RNFT2: variants seen among roughly 807,000 people sequenced by gnomAD.
The protein encoded by RNFT2 is ring finger protein, transmembrane 2, also known as E3 ubiquitin-protein ligase RNFT2.
In RNFT2, 36 loss-of-function variants were observed where a neutral mutation model predicts 53.0. The ratio of observed to expected loss-of-function variants is 0.68; its 90% CI spans 0.52 to 0.90. The LOEUF is 0.90. Ranked by LOEUF, RNFT2 falls within the 40% of genes least tolerant of loss-of-function variation. The pLI is 0.00. For missense variants in RNFT2, 514 were observed against 585.6 expected (o/e 0.88, Z 1.26); for synonymous variants, 260 against 253.2 (o/e 1.03, Z -0.26).
intron 5 of RNFT2, among the ~76,000 whole-genome samples, chr12:116,759,432 G>C (rs1872612427): frequency 6.6e-6 from 1 of 152,104 alleles, no homozygotes; most frequent in Admixed American, 6.5e-5. Context: ...GTGTTGAAGA[G>C]CCTTGTTTTG....
chr12:116,796,137 G>A (rs184313376), intron 7 of RNFT2, among the ~76,000 whole-genome samples: 6 of 152,044 alleles, frequency 3.9e-5, no homozygotes, highest in Non-Finnish European at 5.9e-5. Context: ...TTGAACTCCC[G>A]ACCTCAAGTG....
At chr12:116,742,782 A>G (rs1411470833) in intron 3 of RNFT2, among the ~76,000 whole-genome samples, 6 of 152,140 alleles carry the variant, frequency 3.9e-5, no homozygotes, top group South Asian at 2.1e-4. Context: ...TCCTGTCTCT[A>G]CTAAAAAACT....
intron 7 of RNFT2, among the ~76,000 whole-genome samples, chr12:116,806,377 AAAAAAT>A (rs762700869): frequency 7.9e-5 from 10 of 127,112 alleles, no homozygotes; most frequent in African/African-American, 1.2e-4. Context: ...CAAAAAAAAA[AAAAAAT>A]ATATATATAT....
At chr12:116,802,005 A>G (rs1156529516) in intron 7 of RNFT2, among the ~76,000 whole-genome samples, 1 of 152,150 alleles carries the variant, frequency 6.6e-6, no homozygotes, top group African/African-American at 2.4e-5. Context: ...TATTTGTAGC[A>G]GAGATGGAGT....
intron 7 of RNFT2, among the ~76,000 whole-genome samples, chr12:116,800,863 A>AAT (rs34964792): frequency 2.7e-3 from 115 of 42,656 alleles, no homozygotes; most frequent in Admixed American, 0.019. Flanking sequence ...TAAAATAAAA[A>AAT]CCATTTAACA....
intron 7 of RNFT2, among the ~76,000 whole-genome samples, chr12:116,813,307 G>A (rs1410002312): frequency 2.6e-5 from 4 of 152,122 alleles, no homozygotes; most frequent in African/African-American, 7.2e-5. Flanking sequence ...TTCCCAGCCC[G>A]ACACCTCAGC....
chr12:116,773,554 T>A (rs997844777), intron 6 of RNFT2, among the ~76,000 whole-genome samples: 6 of 152,162 alleles, frequency 3.9e-5, no homozygotes, highest in Non-Finnish European at 8.8e-5. Flanking sequence ...TCTGGTTGGC[T>A]TTTCATGGGC....
chr12:116,772,375 C>T (rs1200814594), intron 6 of RNFT2, among the ~76,000 whole-genome samples: 6 of 152,122 alleles, frequency 3.9e-5, no homozygotes, highest in East Asian at 3.9e-4. Context: ...GGTGCGATCT[C>T]GGCTCACTGC....
chr12:116,790,355 T>C (rs957964842), intron 7 of RNFT2, among the ~76,000 whole-genome samples: 1 of 149,630 alleles, frequency 6.7e-6, no homozygotes, highest in African/African-American at 2.6e-5. Context: ...AACCAGTAAA[T>C]AGAAACCCCT....
chr12:116,819,495 G>A (rs1002624970), intron 7 of RNFT2, among the ~76,000 whole-genome samples: 1 of 152,084 alleles, frequency 6.6e-6, no homozygotes, highest in Non-Finnish European at 1.5e-5. Flanking sequence ...TCGATTTGTT[G>A]GGAGCGCGGG....
Position 116,851,750 on chromosome 12 carries a change from AAAAAG to A in RNFT2, c.*2306_*2310del, listed in dbSNP as rs1592998083. On this transcript the variant is annotated 3_prime_UTR_variant, in exon 11 of 11. Transcript: ENST00000257575. ...AGTGAGTGAGACTCTGTCTAAAAAA[AAAAAG>A]AAAGAAAGAAGGGAGGGAGGGAGGA... 7 of 750,716 alleles carry A rather than the reference AAAAAG, an allele frequency of 9.3e-6. No homozygotes were observed. The highest frequency in any genetic ancestry group is 7.1e-5 in the African/African-American group (4 of 56,442). 46.5% of individuals were successfully genotyped at this position (750,716 alleles called of 1,614,324 possible). A position where few individuals can be genotyped will look rare whatever the true frequency, so the allele number is the denominator to read the frequency against.
chr12:116,826,201 G>T (rs968399806), intron 7 of RNFT2, among the ~76,000 whole-genome samples: 3 of 152,054 alleles, frequency 2.0e-5, no homozygotes, highest in African/African-American at 7.3e-5. Context: ...TCTGGAGCCA[G>T]CCCTCTGTTG....
chr12:116,819,652 G>T (rs1875900659), intron 7 of RNFT2, among the ~76,000 whole-genome samples: 1 of 152,180 alleles, frequency 6.6e-6, no homozygotes, highest in Admixed American at 6.5e-5. Flanking sequence ...CAGGCAACGC[G>T]CGGCCACCAG....
intron 7 of RNFT2, among the ~76,000 whole-genome samples, chr12:116,808,633 G>A (rs747429302): frequency 1.2e-4 from 18 of 152,178 alleles, no homozygotes; most frequent in Non-Finnish European, 2.6e-4. Flanking sequence ...TCCGCCACTA[G>A]AGAAGATGAA....
intron 7 of RNFT2, among the ~76,000 whole-genome samples, chr12:116,824,796 A>T (rs933598798): frequency 6.6e-6 from 1 of 152,074 alleles, no homozygotes; most frequent in Non-Finnish European, 1.5e-5. Context: ...TACTCTCATG[A>T]TCTAATTACC....
chr12:116,767,548 G>A (rs895944055), intron 6 of RNFT2, among the ~76,000 whole-genome samples: 1 of 150,622 alleles, frequency 6.6e-6, no homozygotes. Context: ...TTCAACATAC[G>A]ATCGATATAA....
intron 7 of RNFT2, among the ~76,000 whole-genome samples, chr12:116,785,293 G>GTTTTGT (rs1555261563): frequency 4.5e-4 from 66 of 146,246 alleles, no homozygotes; most frequent in Middle Eastern, 3.5e-3. Context: ...GGGGTTGTTT[G>GTTTTGT]TTTGTTTTGT....
At chr12:116,832,144 A>ATATATATATATATATATAT (rs1414365866) in intron 7 of RNFT2, among the ~76,000 whole-genome samples, 4 of 52,264 alleles carry the variant, frequency 7.7e-5, no homozygotes, top group African/African-American at 1.2e-4. Context: ...AAAAAAAAAA[A>ATATATATATATATATATAT]AAAAATATAT....
At chr12:116,807,084 G>T (rs1450502011) in intron 7 of RNFT2, among the ~76,000 whole-genome samples, 1 of 152,166 alleles carries the variant, frequency 6.6e-6, no homozygotes, top group Non-Finnish European at 1.5e-5. Context: ...TCATCTTGTG[G>T]CTGGGTGCCA....
Sources: allele counts gnomAD v4.1 joint callset (sites outside exome capture counted in the v4.1 genomes callset), GRCh38; gene constraint gnomAD v4.1.1; transcripts MANE v1.5; gene names NCBI Gene and HGNC (gene_info 2026-07-23, HGNC 2026-07-21).